The following SPATA6 variants were observed in gnomAD, a reference collection of about 807,000 sequenced individuals.
SPATA6 encodes spermatogenesis associated 6, also known as spermatogenesis-associated protein 6.
Under a neutral mutation model 65.3 loss-of-function variants are expected in SPATA6, and 56 were observed. The ratio of observed to expected loss-of-function variants is 0.86; its 90% CI spans 0.69 to 1.07. The LOEUF is 1.07. Ranked by LOEUF, SPATA6 falls within the 50% of genes least tolerant of loss-of-function variation. The pLI, the probability that SPATA6 is intolerant of heterozygous loss-of-function variation, is 0.00. For missense variants in SPATA6, 590 were observed against 594.8 expected (o/e 0.99, Z 0.08); for synonymous variants, 199 against 213.2 (o/e 0.93, Z 0.58).
In SPATA6 at chr1:48,472,145, C is replaced by A. The variant is rs1009108316; in HGVS notation, c.-137G>T. Reference sequence around the variant, plus strand: ...GCAGTGGCCCCCAGGCCGGGGCCCGCGGTCCAGCCTGGGTTCCGCCGGAGA... The same window carrying A: ...GCAGTGGCCCCCAGGCCGGGGCCCGAGGTCCAGCCTGGGTTCCGCCGGAGA... On this transcript the variant is annotated 5_prime_UTR_variant, in exon 1 of 13. Transcript: ENST00000371847. The A allele has an allele frequency of 3.1e-6, 2 of 653,806 alleles. No individual in the cohort carries two copies. The highest frequency in any genetic ancestry group is 4.9e-6 in the Non-Finnish European group (2 of 409,948). The allele number at this position is 653,806 out of a possible 1,614,324, so 40.5% of individuals were successfully genotyped here. A position where few individuals can be genotyped will look rare whatever the true frequency, so the allele number is the denominator to read the frequency against.
chr1:48,330,672 C>T (rs971064865), intron 11 of SPATA6, among the ~76,000 whole-genome samples: 3 of 152,228 alleles, frequency 2.0e-5, no homozygotes, highest in African/African-American at 7.2e-5. Flanking sequence ...TGTTGAGGGG[C>T]ACAGCCTCCT....
the SPATA6 span, among the ~76,000 whole-genome samples, chr1:48,272,886 T>A: frequency 6.6e-6 from 1 of 152,160 alleles, no homozygotes. Context: ...TAATTAGAGA[T>A]GTTGAGCAAC....
At chr1:48,310,494 C>A (rs865827530) in intron 11 of SPATA6, among the ~76,000 whole-genome samples, 5 of 152,138 alleles carry the variant, frequency 3.3e-5, no homozygotes, top group Non-Finnish European at 5.9e-5. Context: ...CATGTTGAAG[C>A]ATTTGCTTGA....
intron 11 of SPATA6, among the ~76,000 whole-genome samples, chr1:48,332,484 AAAG>A (rs1363085150): frequency 6.6e-6 from 1 of 152,202 alleles, no homozygotes; most frequent in Non-Finnish European, 1.5e-5. Flanking sequence ...CAAAGAAGAC[AAAG>A]AAGGGCATTA....
intron 11 of SPATA6, among the ~76,000 whole-genome samples, chr1:48,347,470 AAT>A (rs960691664): frequency 1.0e-4 from 15 of 146,464 alleles, no homozygotes; most frequent in South Asian, 4.2e-4. Flanking sequence ...TATATAATAT[AAT>A]ATATATATTA....
intron 3 of SPATA6, among the ~76,000 whole-genome samples, chr1:48,429,577 C>T (rs1654212404): frequency 6.6e-6 from 1 of 151,776 alleles, no homozygotes; most frequent in Non-Finnish European, 1.5e-5. Flanking sequence ...CAGTTTTCAA[C>T]AAAAAATAAT....
At chr1:48,276,554 A>G in the SPATA6 span, among the ~76,000 whole-genome samples, 11 of 152,132 alleles carry the variant, frequency 7.2e-5, no homozygotes, top group Non-Finnish European at 2.9e-5. Context: ...TATTCGTTTT[A>G]AAGAACTTAT....
In SPATA6 at chr1:48,340,377, T is replaced by A. The variant is rs555539387; in HGVS notation, c.1194+15293A>T. 2.0e-5 allele frequency among the ~76,000 whole-genome samples: 3 copies of A among 150,898 alleles called. No homozygotes were observed. The East Asian group carries it at 5.8e-4, about 29-fold the overall frequency. On this transcript the variant is annotated intron_variant, in intron 11 of 12. Transcript: ENST00000371847. ...GTAAGTAAATATAAAATAATATTAC[T>A]ATACAATAGTAGCAATATACTGTGG...
intron 9 of SPATA6, among the ~76,000 whole-genome samples, chr1:48,372,854 G>T (rs998024003): frequency 6.6e-6 from 1 of 152,210 alleles, no homozygotes; most frequent in Admixed American, 6.5e-5. Flanking sequence ...AGCCCAACCT[G>T]TAAATTGGCC....
chr1:48,395,327 T>C lies in SPATA6; in HGVS notation c.808A>G (p.Thr270Ala). Reference protein sequence around the residue: ...HVDPPSPRADTLLGSSGRDCE... With the variant: ...HVDPPSPRADALLGSSGRDCE... The stretch of plus-strand genomic sequence containing the variant: ...TCTCTTCCAGAAGATCCCAATAAAG[T>C]ATCAGCCCTGGGACTTGGGGGATCA... Residue 270 changes from threonine to alanine, a missense_variant, in exon 8 of 13, where the codon ACT becomes GCT. Coordinates refer to ENST00000371847, the MANE Select transcript of SPATA6 (RefSeq NM_019073.4). 1 of 1,567,506 alleles carries C rather than the reference T, an allele frequency of 6.4e-7. No homozygotes were observed. Among genetic ancestry groups the C allele is most frequent in the South Asian group, 1.2e-5 (1 of 84,574 alleles).
At chr1:48,371,053 C>G (rs1557629519) in intron 9 of SPATA6, among the ~76,000 whole-genome samples, 1 of 151,978 alleles carries the variant, frequency 6.6e-6, no homozygotes, top group Non-Finnish European at 1.5e-5. Context: ...TCAATTGTGG[C>G]CATATATGGA....
At chr1:48,278,710 C>T in the SPATA6 span, among the ~76,000 whole-genome samples, 8 of 152,142 alleles carry the variant, frequency 5.3e-5, no homozygotes, top group South Asian at 2.1e-4. Flanking sequence ...ATCTGATTGG[C>T]GTACCTGAAA....
chr1:48,340,723 A>C (rs77405615), intron 11 of SPATA6, among the ~76,000 whole-genome samples: 1 of 152,088 alleles, frequency 6.6e-6, no homozygotes, highest in Non-Finnish European at 1.5e-5. Flanking sequence ...TACAGTAAGT[A>C]AATCAAAAGA....
At chr1:48,446,379 T>C (rs1656055084) in intron 3 of SPATA6, among the ~76,000 whole-genome samples, 1 of 152,062 alleles carries the variant, frequency 6.6e-6, no homozygotes, top group Non-Finnish European at 1.5e-5. Context: ...TATAGAACCA[T>C]CCAAAGAGAG....
chr1:48,412,622 T>C (rs925739613), intron 4 of SPATA6, among the ~76,000 whole-genome samples: 2 of 152,162 alleles, frequency 1.3e-5, no homozygotes. Flanking sequence ...GGAGGATAGA[T>C]GAGATTTTTT....
chr1:48,406,966 G>C (rs1427275240), intron 5 of SPATA6, among the ~76,000 whole-genome samples: 1 of 152,236 alleles, frequency 6.6e-6, no homozygotes, highest in East Asian at 1.9e-4. Context: ...TTCCCAGAAG[G>C]AGTGCGCTGT....
intron 9 of SPATA6, among the ~76,000 whole-genome samples, chr1:48,370,036 T>C (rs1344316386): frequency 1.3e-5 from 2 of 152,188 alleles, no homozygotes; most frequent in Admixed American, 1.3e-4. Context: ...TCCTGAAAAG[T>C]TGCTTACACA....
At chr1:48,457,265 C>G (rs1657078062) in intron 1 of SPATA6, among the ~76,000 whole-genome samples, 1 of 152,040 alleles carries the variant, frequency 6.6e-6, no homozygotes, top group Non-Finnish European at 1.5e-5. Flanking sequence ...AACCCCATCT[C>G]TACTAAAAAC....
In SPATA6 at chr1:48,378,520, C is replaced by T. The variant is rs538568884; in HGVS notation, c.909+6789G>A. On this transcript the variant is annotated intron_variant, in intron 9 of 12. Transcript: ENST00000371847. Reference sequence around the variant, plus strand: ...AAGAGGTTTAATTGGACTTACAGTTCCACACGGCTGGGGAGGCCTCAGAAT... The same window carrying T: ...AAGAGGTTTAATTGGACTTACAGTTTCACACGGCTGGGGAGGCCTCAGAAT... Among the ~76,000 whole-genome samples the T allele has an allele frequency of 2.0e-5, 3 of 152,254 alleles. No homozygotes were observed. In the East Asian group the frequency reaches 5.8e-4, roughly 29 times the overall value.
Sources: allele counts gnomAD v4.1 joint callset (sites outside exome capture counted in the v4.1 genomes callset), GRCh38; gene constraint gnomAD v4.1.1; transcripts MANE v1.5; gene names NCBI Gene and HGNC (gene_info 2026-07-23, HGNC 2026-07-21).